The following SVOPL variants were observed in gnomAD, a reference collection of about 807,000 sequenced individuals.
The protein encoded by SVOPL is SVOP like, also known as putative transporter SVOPL.
In SVOPL, 60 loss-of-function variants were observed where a neutral mutation model predicts 61.0. That is an observed-to-expected ratio of 0.98 (90% CI 0.80 to 1.22). The LOEUF (loss-of-function observed/expected upper bound fraction) is 1.22, where lower values mean the gene tolerates loss of function less well. SVOPL is among the 50% of genes most tolerant of loss of function. The probability of loss-of-function intolerance (pLI) is 0.00; values close to 1 mark genes in which losing one functional copy is unlikely to be tolerated. For missense variants in SVOPL, 662 were observed against 643.9 expected, an observed-to-expected ratio of 1.03 and a Z score of -0.30; for synonymous variants, 279 against 250.0, an observed-to-expected ratio of 1.12 and a Z score of -1.09.
chr7:138,698,262 A>C (rs528860503), intron 1 of SVOPL, among the ~76,000 whole-genome samples: 12 of 152,336 alleles, frequency 7.9e-5, no homozygotes, highest in Admixed American at 2.0e-4. Context: ...GGGAATAAAA[A>C]TAATTCTACC....
At chr7:138,660,962 T>C (rs1288505243) in intron 5 of SVOPL, 1 of 983,098 alleles carries the variant, frequency 1.0e-6, no homozygotes, top group East Asian at 1.1e-4. Context: ...CTATGTATTT[T>C]GTTTTTGATA....
intron 14 of SVOPL, among the ~76,000 whole-genome samples, chr7:138,615,897 T>C (rs921513258): frequency 1.3e-5 from 2 of 152,042 alleles, no homozygotes; most frequent in Non-Finnish European, 2.9e-5. Flanking sequence ...CTCTTTCCCC[T>C]CTTTCTGGAT....
intron 1 of SVOPL, among the ~76,000 whole-genome samples, chr7:138,697,573 C>A (rs1226226364): frequency 1.4e-5 from 2 of 144,630 alleles, no homozygotes; most frequent in Admixed American, 1.4e-4. Context: ...ATGCCACCCA[C>A]TGCACTCCAG....
chr7:138,668,959 T>C (rs940523573), intron 4 of SVOPL, among the ~76,000 whole-genome samples: 2 of 152,212 alleles, frequency 1.3e-5, no homozygotes, highest in African/African-American at 4.8e-5. Context: ...TTTGAGCACC[T>C]GGGCTCACAG....
chr7:138,698,224 C>T (rs1803114715), intron 1 of SVOPL, among the ~76,000 whole-genome samples: 1 of 152,042 alleles, frequency 6.6e-6, no homozygotes, highest in Non-Finnish European at 1.5e-5. Flanking sequence ...AAACTTACTC[C>T]ATTTCTTCTG....
At chr7:138,693,115 G>T (rs1021534802) in intron 1 of SVOPL, among the ~76,000 whole-genome samples, 11 of 152,160 alleles carry the variant, frequency 7.2e-5, no homozygotes, top group Admixed American at 7.2e-4. Flanking sequence ...TTTCTTGTGA[G>T]TAATGGATTG....
chr7:138,681,251 T>A (rs1407015540), intron 1 of SVOPL, among the ~76,000 whole-genome samples: 1 of 147,892 alleles, frequency 6.8e-6, no homozygotes, highest in African/African-American at 2.5e-5. Flanking sequence ...ATAATAAATA[T>A]AAACAAACAA....
chr7:138,697,738 G>GAAAAGAAGAAGGAGAAGA (rs1417327564), intron 1 of SVOPL, among the ~76,000 whole-genome samples: 2 of 149,384 alleles, frequency 1.3e-5, no homozygotes, highest in Non-Finnish European at 1.5e-5. Flanking sequence ...GGAGAAGGAA[G>GAAAAGAAGAAGGAGAAGA]AAAAGAAGAA....
In SVOPL at chr7:138,671,932, C is replaced by G. The variant is rs1208644000; in HGVS notation, c.273+87G>C. The G allele has an allele frequency of 6.5e-6, 8 of 1,225,324 alleles. No homozygotes were observed. The Admixed American group carries it at 1.6e-4, about 25-fold the overall frequency. The allele number at this position is 1,225,324 out of a possible 1,614,324, so 75.9% of individuals were successfully genotyped here. On this transcript the variant is annotated intron_variant, in intron 4 of 15. Coordinates refer to ENST00000674285, the MANE Select transcript of SVOPL (RefSeq NM_001139456.2). ...AGCCAACAGTGGCAGTGGTGAGACA[C>G]CCTTTGGCTCTCAGCCCTGCAGGAT...
chr7:138,602,048 A>C (rs1051173832), intron 14 of SVOPL, among the ~76,000 whole-genome samples: 1 of 152,250 alleles, frequency 6.6e-6, no homozygotes, highest in African/African-American at 2.4e-5. Flanking sequence ...AAATGATTAA[A>C]ATAGTTGCAC....
At chr7:138,670,031 AC>A (rs1200043873) in intron 4 of SVOPL, among the ~76,000 whole-genome samples, 1 of 152,116 alleles carries the variant, frequency 6.6e-6, no homozygotes, top group African/African-American at 2.4e-5. Flanking sequence ...CCCAGAACAC[AC>A]ACCCTCACTC....
At chr7:138,671,013 C>A (rs1279919968) in intron 4 of SVOPL, among the ~76,000 whole-genome samples, 1 of 152,154 alleles carries the variant, frequency 6.6e-6, no homozygotes, top group African/African-American at 2.4e-5. Context: ...TGAAGTCAAT[C>A]ATGCTATTAT....
intron 13 of SVOPL, among the ~76,000 whole-genome samples, chr7:138,622,334 G>A (rs916448287): frequency 4.7e-5 from 7 of 147,922 alleles, no homozygotes; most frequent in Admixed American, 3.4e-4. Context: ...TCACTCTTTC[G>A]CCCAGGCTGG....
intron 14 of SVOPL, among the ~76,000 whole-genome samples, chr7:138,612,436 T>TAAAAAAAAAATAAAAAAAAAAAA (rs1799088038): frequency 9.0e-4 from 16 of 17,846 alleles, no homozygotes; most frequent in South Asian, 2.5e-3. Context: ...AAATAAAAAA[T>TAAAAAAAAAATAAAAAAAAAAAA]AAAAAAAAAA....
At chr7:138,656,642 AAT>A in intron 6 of SVOPL, 131 bp from the exon 7 acceptor site, 2 of 908,316 alleles carry the variant, frequency 2.2e-6, no homozygotes, top group Non-Finnish European at 3.3e-6. Flanking sequence ...ATCAGAAGAG[AAT>A]TATGACAGCT....
chr7:138,629,024 T>C (rs1800029282), intron 10 of SVOPL, among the ~76,000 whole-genome samples: 1 of 151,894 alleles, frequency 6.6e-6, no homozygotes, highest in Admixed American at 6.6e-5. Context: ...CAAAATAAAA[T>C]AAATAAATTT....
chr7:138,661,177 T>C, intron 5 of SVOPL: 1 of 985,378 alleles, frequency 1.0e-6, no homozygotes, highest in African/African-American at 1.7e-5. Context: ...TCAGAGAGGA[T>C]TTCACCAGAA....
intron 8 of SVOPL, among the ~76,000 whole-genome samples, chr7:138,646,870 A>G (rs563826755): frequency 9.5e-4 from 145 of 152,258 alleles, no homozygotes; most frequent in Non-Finnish European, 4.3e-4. Context: ...GCCCACAGGA[A>G]GCAAGTGGCT....
chr7:138,632,492 G>A (rs28617498), intron 9 of SVOPL, among the ~76,000 whole-genome samples: 16,897 of 152,058 alleles, frequency 0.11, 2,688 homozygotes, highest in African/African-American at 0.35. Context: ...TGATGGATGG[G>A]GGCCGCAAGC....
Sources: allele counts gnomAD v4.1 joint callset (sites outside exome capture counted in the v4.1 genomes callset), GRCh38; gene constraint gnomAD v4.1.1; transcripts MANE v1.5; gene names NCBI Gene and HGNC (gene_info 2026-07-23, HGNC 2026-07-21).